The following LRRC43 variants were observed in gnomAD, a reference collection of about 807,000 sequenced individuals.
The protein encoded by LRRC43 is leucine-rich repeat-containing protein 43.
LRRC43 carries 62 observed loss-of-function variants against 64.3 expected under a neutral mutation model. The ratio of observed to expected loss-of-function variants is 0.96; its 90% CI spans 0.79 to 1.19. The LOEUF (loss-of-function observed/expected upper bound fraction) is 1.19, where lower values mean the gene tolerates loss of function less well. Among genes scored for constraint, LRRC43 ranks in the 50% most tolerant of loss-of-function variants. The pLI is 0.00. For synonymous variants in LRRC43, 422 were observed against 382.3 expected (o/e 1.10, Z -1.21); for missense variants, 868 against 845.0 (o/e 1.03, Z -0.34).
At chr12:122,176,303 C>T (rs750846955) in intron 1 of LRRC43, among the ~76,000 whole-genome samples, 15 of 152,080 alleles carry the variant, frequency 9.9e-5, no homozygotes, top group Admixed American at 6.6e-4. Flanking sequence ...AAAATGAGCT[C>T]GATGCTGTTC....
At chr12:122,197,105 A>G (rs764552741) in intron 7 of LRRC43, among the ~76,000 whole-genome samples, 9 of 152,118 alleles carry the variant, frequency 5.9e-5, no homozygotes, top group Non-Finnish European at 1.0e-4. Flanking sequence ...GTCAAGTACT[A>G]TGGGGTTACA....
rs1953865407 is a variant in LRRC43 at position 122,203,310 on chromosome 12, C to G, written c.1844-5C>G. ...GGGCTCATGCTCGCACTTAAATTTT[C>G]TCAGAAAAGCCGAAAGCCGTGATTC... is the stretch of plus-strand genomic sequence containing the variant. On this transcript the variant is annotated splice_polypyrimidine_tract_variant and splice_region_variant and intron_variant, in intron 11 of 11. Coordinates refer to ENST00000339777, the MANE Select transcript of LRRC43 (RefSeq NM_001098519.2). 6.2e-7 allele frequency: 1 copy of G among 1,610,900 alleles called. No individual in the cohort carries two copies. Among genetic ancestry groups the G allele is most frequent in the Admixed American group, 1.7e-5 (1 of 59,928 alleles).
intron 1 of LRRC43, among the ~76,000 whole-genome samples, chr12:122,176,606 C>T (rs930145048): frequency 6.6e-6 from 1 of 151,376 alleles, no homozygotes; most frequent in Non-Finnish European, 1.5e-5. Context: ...GGATTACAGG[C>T]ATGAGTCACC....
chr12:122,173,088 G>A lies in LRRC43; in HGVS notation c.-406+5306G>A, dbSNP rs111313052. ...GGGACTCTGTGTTAAAGCCACGCAC[G>A]CTCCACTTATAAAGGAGAGTGTTAG... On this transcript the variant is annotated intron_variant, in intron 1 of 5. Coordinates refer to the LRRC43 transcript ENST00000537729. Among the ~76,000 whole-genome samples the A allele has an allele frequency of 2.4e-4, 37 of 152,214 alleles. No individual in the cohort carries two copies. The East Asian group carries it at 6.0e-3, about 25-fold the overall frequency.
intron 2 of LRRC43, among the ~76,000 whole-genome samples, chr12:122,185,705 G>A (rs1403701685): frequency 1.3e-5 from 2 of 152,174 alleles, no homozygotes; most frequent in Non-Finnish European, 2.9e-5. Flanking sequence ...TCGTGTCCTG[G>A]ACAGACTGGC....
chr12:122,191,984 A>G (rs10847803), intron 6 of LRRC43, among the ~76,000 whole-genome samples: 41,699 of 151,762 alleles, frequency 0.27, 6,619 homozygotes, highest in African/African-American at 0.43. Flanking sequence ...GATTCATGCA[A>G]GGACCTGGCT....
Position 122,184,864 on chromosome 12 carries a change from CG to C in LRRC43, c.411+86del. 1.4e-6 allele frequency: 2 copies of C among 1,423,004 alleles called. No homozygotes were observed. The highest frequency in any genetic ancestry group is 1.9e-6 in the Non-Finnish European group (2 of 1,044,224). 88.1% of individuals were successfully genotyped at this position (1,423,004 alleles called of 1,614,324 possible). A position where few individuals can be genotyped will look rare whatever the true frequency, so the allele number is the denominator to read the frequency against. On this transcript the variant is annotated intron_variant, in intron 2 of 11. Transcript: ENST00000339777. The surrounding 1 kb of genome is among the most constrained non-coding windows in gnomAD (Gnocchi z 4.0). ...GGGGAGGGCACCCTTCCCCACAGCG[CG>C]TCAGGGATCCTGCTTTCAGGGCTGA...
At chr12:122,169,605 ATT>A in intron 1 of LRRC43, among the ~76,000 whole-genome samples, 2 of 146,886 alleles carry the variant, frequency 1.4e-5, no homozygotes, top group East Asian at 4.4e-4. Context: ...AGTCCCAGCT[ATT>A]CTGGAGGCTG....
chr12:122,200,675 T>C lies in LRRC43; in HGVS notation c.1620+15T>C, dbSNP rs1182567868. 1.2e-6 allele frequency: 2 copies of C among 1,613,626 alleles called. No homozygotes were observed. The highest frequency in any genetic ancestry group is 1.1e-5 in the South Asian group (1 of 91,058). On this transcript the variant is annotated intron_variant, in intron 9 of 11. Transcript: ENST00000339777. This position sits in a 1 kb window ranked among gnomAD's most constrained non-coding sequence, Gnocchi z 4.6. Reference sequence around the variant, plus strand: ...AGCCGGCCAAGGTACCGGGCCTTGGTGCTGGGGAGGGCAGCCTGGCCACAC... The same window carrying C: ...AGCCGGCCAAGGTACCGGGCCTTGGCGCTGGGGAGGGCAGCCTGGCCACAC...
rs192499589 is a variant in LRRC43 at position 122,200,398 on chromosome 12, G to A, written c.1491+68G>A. 955 of 1,608,578 alleles carry A rather than the reference G, an allele frequency of 5.9e-4. 3 individuals carry two copies. The highest frequency in any genetic ancestry group is 1.8e-3 in the Admixed American group (107 of 59,820). On this transcript the variant is annotated intron_variant, in intron 8 of 11. Coordinates refer to ENST00000339777, the MANE Select transcript of LRRC43 (RefSeq NM_001098519.2). The surrounding 1 kb of genome is among the most constrained non-coding windows in gnomAD (Gnocchi z 4.6). ...TTCTGTCCTTGTTCCTGTTCCCATCGGGCTGTCCCCCATGGGAGCCGCACT... is the reference window on the plus strand; with the variant it reads ...TTCTGTCCTTGTTCCTGTTCCCATCAGGCTGTCCCCCATGGGAGCCGCACT...
chr12:122,172,893 C>A (rs944665586), intron 1 of LRRC43: 4 of 669,546 alleles, frequency 6.0e-6, no homozygotes, highest in Middle Eastern at 4.1e-4. Context: ...CATCACCAAC[C>A]CCATTTCCAG....
chr12:122,172,663 T>C (rs1953496831), intron 1 of LRRC43: 1 of 1,613,994 alleles, frequency 6.2e-7, no homozygotes, highest in Non-Finnish European at 8.5e-7. Flanking sequence ...CTGTGGATGT[T>C]GTTTGGCGGC....
intron 1 of LRRC43, among the ~76,000 whole-genome samples, chr12:122,177,495 G>A (rs1361372264): frequency 1.4e-5 from 2 of 144,578 alleles, no homozygotes; most frequent in Non-Finnish European, 3.0e-5. Context: ...GTGTGTGTGT[G>A]TGTGTGTGTG....
upstream of LRRC43, among the ~76,000 whole-genome samples, chr12:122,181,610 A>T (rs1348572353): frequency 1.0e-4 from 14 of 135,318 alleles, no homozygotes; most frequent in Non-Finnish European, 1.5e-4. Flanking sequence ...TTTTGGATAA[A>T]TTTTTTTTTT....
At position 122,184,753 on chromosome 12, in the gene LRRC43, C is replaced by T. The variant is rs538114744; in HGVS notation, c.385C>T (p.Arg129Trp). Residue 129 changes from arginine (R) to tryptophan (W), a missense_variant, in exon 2 of 12, where the codon CGG becomes TGG. By Grantham distance (101) the Arg-to-Trp change is moderately radical. Coordinates refer to ENST00000339777, the MANE Select transcript of LRRC43 (RefSeq NM_001098519.2). This position sits in a 1 kb window ranked among gnomAD's most constrained non-coding sequence, Gnocchi z 4.0. Reference sequence around the variant, plus strand: ...AGACACCTTCTTCTACTCCTACTTCCGGTCCCTGCGGGTAATAGACAAGAA... The same window carrying T: ...AGACACCTTCTTCTACTCCTACTTCTGGTCCCTGCGGGTAATAGACAAGAA... ...ITDTFFYSYF[R>W]SLRVIDKKVT... The T allele has an allele frequency of 4.2e-5, 67 of 1,607,930 alleles. 2 individuals are homozygous for T. In the South Asian group the frequency reaches 6.3e-4, roughly 15 times the overall value.
chr12:122,200,394 C>A lies in LRRC43; in HGVS notation c.1491+64C>A. ...GCACTTCTGTCCTTGTTCCTGTTCC[C>A]ATCGGGCTGTCCCCCATGGGAGCCG... On this transcript the variant is annotated intron_variant, in intron 8 of 11. Transcript: ENST00000339777. The surrounding 1 kb of genome is among the most constrained non-coding windows in gnomAD (Gnocchi z 4.6). The A allele has an allele frequency of 6.2e-7, 1 of 1,608,282 alleles. No homozygotes were observed.
chr12:122,174,844 C>CTT (rs765071459), intron 1 of LRRC43, among the ~76,000 whole-genome samples: 21 of 142,346 alleles, frequency 1.5e-4, no homozygotes, highest in East Asian at 4.1e-4. Context: ...TATCTTTTTT[C>CTT]TTTTTTTTTT....
At chr12:122,173,958 G>A in intron 1 of LRRC43, 3 of 1,614,158 alleles carry the variant, frequency 1.9e-6, no homozygotes, top group South Asian at 2.2e-5. Flanking sequence ...AGCCTCCCAG[G>A]CAGCAGAACA....
intron 1 of LRRC43, among the ~76,000 whole-genome samples, chr12:122,168,002 G>T (rs766777831): frequency 6.6e-6 from 1 of 151,054 alleles, no homozygotes; most frequent in African/African-American, 2.4e-5. Flanking sequence ...TTTTAGTAGA[G>T]ATGAGGTTTT....
Sources: gnomAD v4.1 joint callset for allele counts (sites outside exome capture counted in the v4.1 genomes callset) on GRCh38, gnomAD v4.1.1 for gene constraint, Gnocchi (gnomAD v3.1) non-coding constraint, MANE v1.5 for transcripts, NCBI Gene and HGNC (gene_info 2026-07-23, HGNC 2026-07-21) for gene names.